The following E2F4 variants were observed in gnomAD, a reference collection of about 807,000 sequenced individuals.
E2F4 encodes transcription factor E2F4.
A neutral mutation model predicts 44.5 loss-of-function variants in E2F4; 16 were observed. That is an observed-to-expected ratio of 0.36 (90% CI 0.24 to 0.55). The LOEUF (loss-of-function observed/expected upper bound fraction) is 0.55, where lower values mean the gene tolerates loss of function less well. Ranked by LOEUF, E2F4 falls within the 20% of genes least tolerant of loss-of-function variation. The probability of loss-of-function intolerance (pLI) is 0.87; values close to 1 mark genes in which losing one functional copy is unlikely to be tolerated. For synonymous variants in E2F4, 242 were observed against 207.2 expected (o/e 1.17, Z -1.44); for missense variants, 473 against 522.1 (o/e 0.91, Z 0.92).
intron 7 of E2F4, among the ~76,000 whole-genome samples, chr16:67,196,933 A>T (rs917733649): frequency 6.6e-6 from 1 of 152,200 alleles, no homozygotes; most frequent in Non-Finnish European, 1.5e-5. Flanking sequence ...CTCAGCACTC[A>T]GGATGACCCC....
chr16:67,193,139 C>A lies in E2F4; in HGVS notation c.376C>A (p.Arg126=). ...QHKVWVQQSI[R]NVTEDVQNSC... ...CAAGGTGTGGGTGCAGCAGAGCATCCGGAACGTCACAGAGGACGTGCAGAA... is the reference window on the plus strand; with the variant it reads ...CAAGGTGTGGGTGCAGCAGAGCATCAGGAACGTCACAGAGGACGTGCAGAA... The change falls in exon 3 of 10, where the codon CGG becomes AGG. Residue 126 remains arginine, a synonymous_variant. Coordinates refer to ENST00000379378, the MANE Select transcript of E2F4 (RefSeq NM_001950.4). The A allele has an allele frequency of 6.4e-7, 1 of 1,573,830 alleles. No individual in the cohort carries two copies. Among genetic ancestry groups the A allele is most frequent in the Non-Finnish European group, 8.6e-7 (1 of 1,159,372 alleles).
chr16:67,196,987 C>G (rs2032979257), intron 7 of E2F4, among the ~76,000 whole-genome samples: 1 of 152,294 alleles, frequency 6.6e-6, no homozygotes, highest in South Asian at 2.1e-4. Flanking sequence ...TCTCTTTACC[C>G]TGACTGACAG....
At chr16:67,194,153 A>C in intron 4 of E2F4, 4 of 522,728 alleles carry the variant, frequency 7.7e-6, no homozygotes, top group Non-Finnish European at 3.4e-6. Context: ...CGGTAGAGGA[A>C]TGAGGTGCCT....
intron 4 of E2F4, chr16:67,194,181 A>G (rs1009748843): frequency 2.2e-5 from 12 of 553,620 alleles, no homozygotes; most frequent in Non-Finnish European, 3.8e-5. Flanking sequence ...GTGATCTTTC[A>G]CTCCACATAA....
chr16:67,195,589 T>C (rs941604042), intron 6 of E2F4, 193 bp from the exon 7 acceptor site: 3 of 1,212,866 alleles, frequency 2.5e-6, no homozygotes, highest in Non-Finnish European at 2.2e-6. Flanking sequence ...AGTCTTCTTC[T>C]GTAGGTCTTG....
At position 67,198,243 on chromosome 16, in the gene E2F4, C is replaced by T. The variant is rs2033007045; in HGVS notation, c.*120C>T. On this transcript the variant is annotated 3_prime_UTR_variant, in exon 10 of 10. Transcript: ENST00000379378. ...AGCCACAGACGCCTGGCTTCTCCGG[C>T]CTCCCCTCACCGCACAGTTCTGGCC... is the stretch of plus-strand genomic sequence containing the variant. 1 of 818,596 alleles carries T rather than the reference C, an allele frequency of 1.2e-6. No homozygotes were observed. Among genetic ancestry groups the T allele is most frequent in the Non-Finnish European group, 2.0e-6 (1 of 490,524 alleles). The allele number at this position is 818,596 out of a possible 1,614,324, so 50.7% of individuals were successfully genotyped here.
In E2F4 at chr16:67,198,100, G is replaced by T; in HGVS notation, c.1219G>T (p.Asp407Tyr). ...GAGTGAAGGTGTCTGTGACCTCTTT[G>T]ATGTGCCTGTTCTCAACCTCTGACT... ...DESEGVCDLFDVPVLNL is the reference protein window; with the variant it reads ...DESEGVCDLFYVPVLNL The change falls in exon 10 of 10, where the codon GAT becomes TAT. Residue 407 changes from aspartate (D) to tyrosine (Y), a missense_variant. Transcript: ENST00000379378. 1 of 1,613,900 alleles carries T rather than the reference G, an allele frequency of 6.2e-7. No individual in the cohort carries two copies. Among genetic ancestry groups the T allele is most frequent in the Non-Finnish European group, 8.5e-7 (1 of 1,179,972 alleles).
In E2F4 at chr16:67,198,066, C is replaced by T. The variant is rs1481773956; in HGVS notation, c.1185C>T (p.Asn395=). 19 of 1,614,082 alleles carry T rather than the reference C, an allele frequency of 1.2e-5. No individual in the cohort carries two copies. Among genetic ancestry groups the T allele is most frequent in the East Asian group, 2.2e-5 (1 of 44,890 alleles). ...PPPGDHDYIY[N]LDESEGVCDL... ...CGGGAGACCACGATTATATCTACAA[C>T]CTGGACGAGAGTGAAGGTGTCTGTG... Residue 395 remains asparagine (N), a synonymous_variant, in exon 10 of 10, where the codon AAC becomes AAT. Coordinates refer to ENST00000379378, the MANE Select transcript of E2F4 (RefSeq NM_001950.4).
chr16:67,193,358 C>T, intron 3 of E2F4, 114 bp from the exon 4 acceptor site: 5 of 1,511,574 alleles, frequency 3.3e-6, no homozygotes, highest in Non-Finnish European at 4.6e-6. Context: ...GACCTGAGTC[C>T]CCAGAACGGT....
rs1000042920 is a variant in E2F4 at position 67,198,827 on chromosome 16, C to T, written c.*704C>T. 1 of 334,006 alleles carries T rather than the reference C, an allele frequency of 3.0e-6. No individual in the cohort carries two copies. The highest frequency in any genetic ancestry group is 5.5e-6 in the Non-Finnish European group (1 of 181,240). 20.7% of individuals were successfully genotyped at this position (334,006 alleles called of 1,614,324 possible). ...AAGATTTACAGTAACGAATGGATTC[C>T]TATATAAAGATTATTTTTATACTTT... On this transcript the variant is annotated 3_prime_UTR_variant, in exon 10 of 10. Coordinates refer to ENST00000379378, the MANE Select transcript of E2F4 (RefSeq NM_001950.4).
chr16:67,195,032 G>A, intron 6 of E2F4, 52 bp downstream of exon 6: 1 of 1,575,312 alleles, frequency 6.3e-7, no homozygotes, highest in Non-Finnish European at 8.6e-7. Context: ...GTATCTCTGT[G>A]TTGTGGAACA....
In E2F4 at chr16:67,198,118, C is replaced by T. The variant is rs761080564; in HGVS notation, c.1237C>T (p.Leu413Phe). The T allele has an allele frequency of 1.2e-6, 2 of 1,613,224 alleles. No individual in the cohort carries two copies. The highest frequency in any genetic ancestry group is 1.7e-6 in the Non-Finnish European group (2 of 1,179,496). ...CDLFDVPVLN[L>F] is the part of the protein sequence containing the mutation. ...CCTCTTTGATGTGCCTGTTCTCAAC[C>T]TCTGACTGACAGGGACATGCCCTGT... Residue 413 changes from leucine to phenylalanine, a missense_variant, in exon 10 of 10, where the codon CTC becomes TTC. Leu to Phe is a conservative substitution (Grantham distance 22). Coordinates refer to ENST00000379378, the MANE Select transcript of E2F4 (RefSeq NM_001950.4).
Position 67,192,170 on chromosome 16 carries a change from A to G in E2F4, c.-58A>G, listed in dbSNP as rs932575246. 5 of 1,162,086 alleles carry G rather than the reference A, an allele frequency of 4.3e-6. 1 individual carries two copies. In the Admixed American group the frequency reaches 2.3e-4, roughly 55 times the overall value. The allele number at this position is 1,162,086 out of a possible 1,614,324, so 72.0% of individuals were successfully genotyped here. On this transcript the variant is annotated 5_prime_UTR_variant, in exon 1 of 10. Transcript: ENST00000379378. ...CCCGGCGGCCAGGAACGGAAGCGGA[A>G]GTGGCGGCGGCGCCGGCCTGGCCTG...
chr16:67,198,169 C>A lies in E2F4; in HGVS notation c.*46C>A. On this transcript the variant is annotated 3_prime_UTR_variant, in exon 10 of 10. Coordinates refer to ENST00000379378, the MANE Select transcript of E2F4 (RefSeq NM_001950.4). The stretch of plus-strand genomic sequence containing the variant: ...GTGGCTGGGACCCAGACTGTCTGAC[C>A]TGGGGGTTGCCTGGGGACCTCTCCC... 6.3e-7 allele frequency: 1 copy of A among 1,577,428 alleles called. No homozygotes were observed. The highest frequency in any genetic ancestry group is 8.7e-7 in the Non-Finnish European group (1 of 1,150,590).
At chr16:67,196,808 C>T (rs756392011) in intron 7 of E2F4, among the ~76,000 whole-genome samples, 4 of 152,206 alleles carry the variant, frequency 2.6e-5, no homozygotes, top group Non-Finnish European at 5.9e-5. Flanking sequence ...GTTATCCAGG[C>T]CTGACCCTTG....
At position 67,198,156 on chromosome 16, in the gene E2F4, C is replaced by A. The variant is rs200268370; in HGVS notation, c.*33C>A. ...GGACATGCCCTGTGTGGCTGGGACC[C>A]AGACTGTCTGACCTGGGGGTTGCCT... On this transcript the variant is annotated 3_prime_UTR_variant, in exon 10 of 10. Coordinates refer to ENST00000379378, the MANE Select transcript of E2F4 (RefSeq NM_001950.4). 2 of 1,599,218 alleles carry A rather than the reference C, an allele frequency of 1.3e-6. No individual in the cohort carries two copies. Among genetic ancestry groups the A allele is most frequent in the African/African-American group, 2.7e-5 (2 of 74,718 alleles).
Position 67,193,508 on chromosome 16 carries a change from C to T in E2F4, c.444C>T (p.Cys148=), listed in dbSNP as rs1394278759. The T allele has an allele frequency of 9.3e-6, 15 of 1,614,078 alleles. No homozygotes were observed. The highest frequency in any genetic ancestry group is 5.3e-5 in the African/African-American group (4 of 74,934). ...AYVTHEDICR[C]FAGDTLLAIR... is the part of the protein sequence containing the mutation. ...TCACTCATGAGGACATCTGCAGATG[C>T]TTTGCTGGTGAGCAGAGCCTGGGTA... Residue 148 remains cysteine, a synonymous_variant, in exon 4 of 10, where the codon TGC becomes TGT. Coordinates refer to ENST00000379378, the MANE Select transcript of E2F4 (RefSeq NM_001950.4).
At chr16:67,196,908 C>T (rs1316454346) in intron 7 of E2F4, among the ~76,000 whole-genome samples, 1 of 152,202 alleles carries the variant, frequency 6.6e-6, no homozygotes, top group Non-Finnish European at 1.5e-5. Context: ...ATGTCCCCTC[C>T]TATCCTCTGG....
Position 67,194,840 on chromosome 16 carries a change from C to A in E2F4, c.668C>A (p.Ser223Tyr). 6.2e-7 allele frequency: 1 copy of A among 1,614,186 alleles called. No homozygotes were observed. The change falls in exon 6 of 10, where the codon TCT (serine) becomes TAT (tyrosine). Residue 223 changes from serine to tyrosine, a missense_variant. Physicochemically the swap from Ser to Tyr is moderately radical, Grantham distance 144. This residue lies in a region of E2F4 where 314 missense variants were observed against 315.6 expected (regional missense o/e 0.99). Coordinates refer to ENST00000379378, the MANE Select transcript of E2F4 (RefSeq NM_001950.4). ...TTGCTCCAGAGCCCATCTGCTGTTT[C>A]TACACCTCCACCTCTGCCCAAGCCT... ...EDLLQSPSAV[S>Y]TPPPLPKPAL... is the part of the protein sequence containing the mutation.
Sources: allele counts gnomAD v4.1 joint callset (sites outside exome capture counted in the v4.1 genomes callset), GRCh38; gene constraint gnomAD v4.1.1; regional missense constraint gnomAD v4.1.1; transcripts MANE v1.5; gene names NCBI Gene and HGNC (gene_info 2026-07-23, HGNC 2026-07-21).